Variants in MED25 observed in about 807,000 individuals in gnomAD.
MED25 encodes mediator of RNA polymerase II transcription subunit 25.
MED25 carries 62 observed loss-of-function variants against 89.4 expected under a neutral mutation model. The observed-to-expected ratio is 0.69, with a 90% CI of 0.57 to 0.86. The LOEUF is 0.86. Ranked by LOEUF, MED25 falls within the 40% of genes least tolerant of loss-of-function variation. MED25 has a pLI of 0.00. For synonymous variants in MED25, 449 were observed against 427.9 expected, an observed-to-expected ratio of 1.05 and a Z score of -0.61; for missense variants, 905 against 1,005.2, an observed-to-expected ratio of 0.90 and a Z score of 1.35.
At position 49,834,891 on chromosome 19, in the gene MED25, G is replaced by T. The variant is rs1035987013; in HGVS notation, c.1483-95G>T. The T allele has an allele frequency of 4.7e-6, 6 of 1,284,180 alleles. No homozygotes were observed. Among genetic ancestry groups the T allele is most frequent in the Non-Finnish European group, 6.8e-6 (6 of 887,342 alleles). The allele number at this position is 1,284,180 out of a possible 1,614,324, so 79.5% of individuals were successfully genotyped here. The stretch of plus-strand genomic sequence containing the variant: ...TATAGCAGAAACCTCACCTCACCTT[G>T]CCTGTGGGGCCTCTAGAGCCTTCTG... On this transcript the variant is annotated intron_variant, in intron 13 of 17. Coordinates refer to ENST00000312865, the MANE Select transcript of MED25 (RefSeq NM_030973.4). This position sits in a 1 kb window ranked among gnomAD's most constrained non-coding sequence, Gnocchi z 4.1.
In MED25 at chr19:49,836,301, C is replaced by T; in HGVS notation, c.2041C>T (p.Pro681Ser). The T allele has an allele frequency of 6.2e-7, 1 of 1,611,794 alleles. No homozygotes were observed. Among genetic ancestry groups the T allele is most frequent in the Non-Finnish European group, 8.5e-7 (1 of 1,179,510 alleles). Residue 681 changes from proline to serine, a missense_variant, in exon 17 of 18, where the codon CCG (proline) becomes TCG (serine). By Grantham distance (74) the Pro-to-Ser change is moderately conservative. Around this residue, in one of 3 missense-constraint regions of MED25, gnomAD observed 271 missense variants for 258.1 expected, o/e 1.05. Coordinates refer to ENST00000312865, the MANE Select transcript of MED25 (RefSeq NM_030973.4). The surrounding 1 kb of genome is among the most constrained non-coding windows in gnomAD (Gnocchi z 5.1). Reference sequence around the variant, plus strand: ...ACCAGGGGCTCCTGCGCTGCTGCCTCCGCCGCACCAGGGCCTGGGGCAGCC... The same window carrying T: ...ACCAGGGGCTCCTGCGCTGCTGCCTTCGCCGCACCAGGGCCTGGGGCAGCC... ...QPPGAPALLP[P>S]PHQGLGQPQL...
At position 49,835,553 on chromosome 19, in the gene MED25, C is replaced by T. The variant is rs938055340; in HGVS notation, c.1694C>T (p.Pro565Leu). Residue 565 changes from proline to leucine, a missense_variant, in exon 15 of 18, where the codon CCC (proline) becomes CTC (leucine). By Grantham distance (98) the Pro-to-Leu change is moderately conservative. Transcript: ENST00000312865. This position sits in a 1 kb window ranked among gnomAD's most constrained non-coding sequence, Gnocchi z 6.2. ...GTGCAGATGGGGGGACAGCAGGCAC[C>T]CCCAGGGCTGGGGCCCATTCTGGAG... is the stretch of plus-strand genomic sequence containing the variant. ...QQRGMGGQQA[P>L]PGLGPILEDQ... 5.1e-6 allele frequency: 8 copies of T among 1,565,114 alleles called. No homozygotes were observed. The Admixed American group carries it at 1.1e-4, about 22-fold the overall frequency.
chr19:49,818,426 G>A lies in MED25; in HGVS notation c.85G>A (p.Gly29Arg), dbSNP rs2073953846. The change falls in exon 1 of 18, where the codon GGA (glycine) becomes AGA (arginine). Residue 29 changes from glycine to arginine, a missense_variant. This residue lies in a region of MED25 where 501 missense variants were observed against 526.9 expected (regional missense o/e 0.95). Transcript: ENST00000312865. ...VFVIEGTANL[G>R]PYFEGLRKHY... Reference sequence around the variant, plus strand: ...TGTGATTGAGGGTACGGCCAACCTGGGACCCTACTTCGAGGGGCTCCGCAA... The same window carrying A: ...TGTGATTGAGGGTACGGCCAACCTGAGACCCTACTTCGAGGGGCTCCGCAA... 6.2e-7 allele frequency: 1 copy of A among 1,613,974 alleles called. No homozygotes were observed. Among genetic ancestry groups the A allele is most frequent in the African/African-American group, 1.3e-5 (1 of 74,922 alleles).
rs939014733 is a variant in MED25, at chr19:49,834,879, T to G, written c.1483-107T>G. ...TCCTTAACCTTCTATAGCAGAAACCTCACCTCACCTTGCCTGTGGGGCCTC... is the reference window on the plus strand; with the variant it reads ...TCCTTAACCTTCTATAGCAGAAACCGCACCTCACCTTGCCTGTGGGGCCTC... On this transcript the variant is annotated intron_variant, in intron 13 of 17. Transcript: ENST00000312865. This position sits in a 1 kb window ranked among gnomAD's most constrained non-coding sequence, Gnocchi z 4.1. 8.5e-7 allele frequency: 1 copy of G among 1,176,074 alleles called. No homozygotes were observed. Among genetic ancestry groups the G allele is most frequent in the Non-Finnish European group, 1.3e-6 (1 of 791,894 alleles). 72.9% of individuals were successfully genotyped at this position (1,176,074 alleles called of 1,614,324 possible).
Position 49,830,844 on chromosome 19 carries a change from G to A in MED25, c.1058G>A (p.Gly353Asp), listed in dbSNP as rs1331126025. Residue 353 changes from glycine (G) to aspartate (D), a missense_variant, in exon 9 of 18, where the codon GGC becomes GAC. By Grantham distance (94) the Gly-to-Asp change is moderately conservative. Transcript: ENST00000312865. This position sits in a 1 kb window ranked among gnomAD's most constrained non-coding sequence, Gnocchi z 4.6. The stretch of plus-strand genomic sequence containing the variant: ...AGTCTGGTCTCCACTGTGGCCCCTG[G>A]CTCCGGCCTGGCTCCCACGGCACAG... ...QPSLVSTVAPGSGLAPTAQPG... is the reference protein window; with the variant it reads ...QPSLVSTVAPDSGLAPTAQPG... 6.2e-7 allele frequency: 1 copy of A among 1,612,470 alleles called. No individual in the cohort carries two copies. Among genetic ancestry groups the A allele is most frequent in the African/African-American group, 1.3e-5 (1 of 75,016 alleles).
intron 3 of MED25, among the ~76,000 whole-genome samples, chr19:49,827,700 CT>C (rs2074024890): frequency 6.6e-6 from 1 of 152,164 alleles, no homozygotes; most frequent in Non-Finnish European, 1.5e-5. Flanking sequence ...CTCAACCTGT[CT>C]TTTTGAAGGG....
rs2074083193 is a variant in MED25 at position 49,834,726 on chromosome 19, G to A, written c.1483-260G>A. On this transcript the variant is annotated intron_variant, in intron 13 of 17. Coordinates refer to ENST00000312865, the MANE Select transcript of MED25 (RefSeq NM_030973.4). This position sits in a 1 kb window ranked among gnomAD's most constrained non-coding sequence, Gnocchi z 4.1. ...ACTGGGTCCATGAGGAGCAGGTGGT[G>A]GCTGAAGGTTGAAGAGCTGGGCTCC... 19 of 549,722 alleles carry A rather than the reference G, an allele frequency of 3.5e-5. 1 individual carries two copies. In the South Asian group the frequency reaches 3.9e-4, roughly 11 times the overall value. The allele number at this position is 549,722 out of a possible 1,614,324, so 34.1% of individuals were successfully genotyped here.
rs1310988169 is a variant in MED25 at position 49,829,216 on chromosome 19, G to A, written c.525+126G>A. On this transcript the variant is annotated intron_variant, in intron 5 of 17. Coordinates refer to ENST00000312865, the MANE Select transcript of MED25 (RefSeq NM_030973.4). The surrounding 1 kb of genome is among the most constrained non-coding windows in gnomAD (Gnocchi z 4.6). ...AGGCACTGGGGGCCTGGACTCTTGGGTCTAAGCGGGGAGGCACTGGGGGCC... is the reference window on the plus strand; with the variant it reads ...AGGCACTGGGGGCCTGGACTCTTGGATCTAAGCGGGGAGGCACTGGGGGCC... 2.4e-6 allele frequency: 2 copies of A among 821,844 alleles called. No homozygotes were observed. The highest frequency in any genetic ancestry group is 4.0e-6 in the Non-Finnish European group (2 of 498,268). 50.9% of individuals were successfully genotyped at this position (821,844 alleles called of 1,614,324 possible).
downstream of MED25, among the ~76,000 whole-genome samples, chr19:49,837,625 G>A (rs2074108816): frequency 6.6e-6 from 1 of 152,130 alleles, no homozygotes; most frequent in Admixed American, 6.5e-5. Context: ...TGGTGGCGGT[G>A]TCGGGGGCTG....
chr19:49,836,025 G>A lies in MED25; in HGVS notation c.1965+80G>A, dbSNP rs2074095293. 5.7e-6 allele frequency: 9 copies of A among 1,568,814 alleles called. No homozygotes were observed. The highest frequency in any genetic ancestry group is 6.9e-6 in the Non-Finnish European group (8 of 1,158,718). Reference sequence around the variant, plus strand: ...GGTCCTGTTGTCTGGGAGGAGGGAGGTTGACTGTGGTCAGTGGGTGTGAAT... The same window carrying A: ...GGTCCTGTTGTCTGGGAGGAGGGAGATTGACTGTGGTCAGTGGGTGTGAAT... On this transcript the variant is annotated intron_variant, in intron 16 of 17. Transcript: ENST00000312865. The surrounding 1 kb of genome is among the most constrained non-coding windows in gnomAD (Gnocchi z 5.1).
chr19:49,825,193 A>G (rs2074008077), intron 3 of MED25, among the ~76,000 whole-genome samples: 1 of 152,058 alleles, frequency 6.6e-6, no homozygotes, highest in South Asian at 2.1e-4. Context: ...AGAGAAACGC[A>G]AGTTTTAGCA....
rs1351523128 is a variant in MED25, at chr19:49,830,326, A to C, written c.819+108A>C. 2 of 1,274,038 alleles carry C rather than the reference A, an allele frequency of 1.6e-6. No individual in the cohort carries two copies. The highest frequency in any genetic ancestry group is 2.2e-6 in the Non-Finnish European group (2 of 899,938). The allele number at this position is 1,274,038 out of a possible 1,614,324, so 78.9% of individuals were successfully genotyped here. ...GAGCTTGTGGGATGATGGGAGTCCCATGGGACATTGGGAAGGTGGGACTCT... is the reference window on the plus strand; with the variant it reads ...GAGCTTGTGGGATGATGGGAGTCCCCTGGGACATTGGGAAGGTGGGACTCT... On this transcript the variant is annotated intron_variant, in intron 7 of 17. Transcript: ENST00000312865. The surrounding 1 kb of genome is among the most constrained non-coding windows in gnomAD (Gnocchi z 4.6).
intron 3 of MED25, 147 bp from the exon 4 acceptor site, chr19:49,828,302 T>G: frequency 1.5e-6 from 1 of 685,062 alleles, no homozygotes; most frequent in African/African-American, 1.8e-5. Flanking sequence ...GCACCAGGGA[T>G]TGGGTAGGGA....
chr19:49,824,692 C>T (rs2074004634), intron 3 of MED25, among the ~76,000 whole-genome samples: 1 of 151,896 alleles, frequency 6.6e-6, no homozygotes, highest in African/African-American at 2.4e-5. Context: ...ATTAATTCAA[C>T]AAATGTTTGT....
rs1406355721 is a variant in MED25, at chr19:49,836,785, C to T, written c.2147-62C>T. On this transcript the variant is annotated intron_variant, in intron 17 of 17. Transcript: ENST00000312865. The surrounding 1 kb of genome is among the most constrained non-coding windows in gnomAD (Gnocchi z 5.1). ...GGGCTGCCTAGAAAACTTAGTGCCT[C>T]TGGGCCCTCCTGGGCCCAAGGGCCT... 8 of 1,292,840 alleles carry T rather than the reference C, an allele frequency of 6.2e-6. No individual in the cohort carries two copies. The highest frequency in any genetic ancestry group is 8.9e-6 in the Non-Finnish European group (8 of 900,180). The allele number at this position is 1,292,840 out of a possible 1,614,324, so 80.1% of individuals were successfully genotyped here. A position where few individuals can be genotyped will look rare whatever the true frequency, so the allele number is the denominator to read the frequency against.
At position 49,835,224 on chromosome 19, in the gene MED25, C is replaced by G. The variant is rs368835563; in HGVS notation, c.1674+47C>G. 3 of 1,605,496 alleles carry G rather than the reference C, an allele frequency of 1.9e-6. No individual in the cohort carries two copies. Among genetic ancestry groups the G allele is most frequent in the Admixed American group, 1.7e-5 (1 of 60,016 alleles). ...ACCAGCACTCCGACCCCCTCCTGCC[C>G]GGGCCCCACATGGCCCCCTGGGGTC... is the stretch of plus-strand genomic sequence containing the variant. On this transcript the variant is annotated intron_variant, in intron 14 of 17. Coordinates refer to ENST00000312865, the MANE Select transcript of MED25 (RefSeq NM_030973.4). The surrounding 1 kb of genome is among the most constrained non-coding windows in gnomAD (Gnocchi z 6.2).
intron 3 of MED25, among the ~76,000 whole-genome samples, chr19:49,821,843 T>C (rs2073984587): frequency 6.9e-6 from 1 of 145,492 alleles, no homozygotes; most frequent in Non-Finnish European, 1.5e-5. Context: ...AAAAATTTTG[T>C]AGTGGCGGGG....
chr19:49,832,299 C>T lies in MED25; in HGVS notation c.1375-9C>T. The T allele has an allele frequency of 1.3e-6, 2 of 1,590,250 alleles. No homozygotes were observed. The highest frequency in any genetic ancestry group is 1.7e-6 in the Non-Finnish European group (2 of 1,163,076). The stretch of plus-strand genomic sequence containing the variant: ...CCAGCATGCCAGCCGACTTCTGTGT[C>T]TCCCGCAGACCACCCTGGGCCCTTT... On this transcript the variant is annotated splice_polypyrimidine_tract_variant and intron_variant, in intron 12 of 17. Coordinates refer to ENST00000312865, the MANE Select transcript of MED25 (RefSeq NM_030973.4).
rs1197708100 is a variant in MED25 at position 49,835,590 on chromosome 19, G to A, written c.1731G>A (p.Arg577=). The A allele has an allele frequency of 4.5e-6, 7 of 1,564,030 alleles. No individual in the cohort carries two copies. Among genetic ancestry groups the A allele is most frequent in the Non-Finnish European group, 5.2e-6 (6 of 1,154,612 alleles). ...GLGPILEDQA[R]PSQNLLQLRP... is the part of the protein sequence containing the mutation. The stretch of plus-strand genomic sequence containing the variant: ...GGCCCATTCTGGAGGACCAAGCCAG[G>A]CCCTCACAGAATCTGGTGAGGACAG... Residue 577 remains arginine, a synonymous_variant, in exon 15 of 18, where the codon AGG becomes AGA. Transcript: ENST00000312865. The surrounding 1 kb of genome is among the most constrained non-coding windows in gnomAD (Gnocchi z 6.2).
Sources: gnomAD v4.1 joint callset for allele counts (sites outside exome capture counted in the v4.1 genomes callset) on GRCh38, gnomAD v4.1.1 for gene constraint, gnomAD v4.1.1 regional missense constraint, Gnocchi (gnomAD v3.1) non-coding constraint, MANE v1.5 for transcripts, NCBI Gene and HGNC (gene_info 2026-07-23, HGNC 2026-07-21) for gene names.